STX2: variants seen among roughly 807,000 people sequenced by gnomAD.
The protein encoded by STX2 is syntaxin 2, also known as syntaxin-2.
STX2 carries 27 observed loss-of-function variants against 40.6 expected under a neutral mutation model. The observed-to-expected ratio is 0.66, with a 90% confidence interval of 0.49 to 0.92. The LOEUF is 0.92. Among genes scored for constraint, STX2 ranks in the 40% least tolerant of loss-of-function variants. The pLI is 0.00. For synonymous variants in STX2, 123 were observed against 119.1 expected, an observed-to-expected ratio of 1.03 and a Z score of -0.22; for missense variants, 328 against 366.1, an observed-to-expected ratio of 0.90 and a Z score of 0.85.
chr12:130,798,118 G>A (rs1370380484), intron 9 of STX2, among the ~76,000 whole-genome samples: 4 of 152,078 alleles, frequency 2.6e-5, no homozygotes, highest in African/African-American at 9.7e-5. Flanking sequence ...ATGGTGGCGG[G>A]TGCCTGTAAT....
chr12:130,818,771 C>G (rs1442797207), intron 3 of STX2, among the ~76,000 whole-genome samples: 1 of 152,216 alleles, frequency 6.6e-6, no homozygotes, highest in Non-Finnish European at 1.5e-5. Context: ...GCGTGCGCAG[C>G]CGCAAGGACG....
intron 3 of STX2, among the ~76,000 whole-genome samples, chr12:130,819,339 AG>A (rs1952024964): frequency 1.0e-5 from 1 of 98,190 alleles, no homozygotes; most frequent in African/African-American, 3.9e-5. Context: ...CTCTTCCTTT[AG>A]GAACAAGGCG....
intron 2 of STX2, among the ~76,000 whole-genome samples, chr12:130,822,038 C>A (rs1344728787): frequency 6.6e-6 from 1 of 152,182 alleles, no homozygotes; most frequent in Admixed American, 6.5e-5. Context: ...GTAAAAATTT[C>A]TAGTCAAGTC....
chr12:130,798,259 A>G (rs1017946150), intron 9 of STX2: 1 of 235,600 alleles, frequency 4.2e-6, no homozygotes, highest in African/African-American at 2.3e-5. Flanking sequence ...TCAAAAAAAA[A>G]AAAAAAAAAG....
At chr12:130,828,340 G>A (rs1438029584) in intron 1 of STX2, among the ~76,000 whole-genome samples, 10 of 149,158 alleles carry the variant, frequency 6.7e-5, no homozygotes, top group African/African-American at 2.2e-4. Flanking sequence ...TAATGCTTAT[G>A]CCCCAACCTC....
At chr12:130,823,229 T>C (rs1952181201) in intron 2 of STX2, among the ~76,000 whole-genome samples, 1 of 152,128 alleles carries the variant, frequency 6.6e-6, no homozygotes, top group African/African-American at 2.4e-5. Context: ...GGAAGATCAC[T>C]TGGGCCCAGG....
At chr12:130,805,920 G>T (rs1320684193) in intron 6 of STX2, among the ~76,000 whole-genome samples, 1 of 152,172 alleles carries the variant, frequency 6.6e-6, no homozygotes. Flanking sequence ...GGACACTGGA[G>T]TTGGCAGACA....
At chr12:130,829,177 G>C (rs994230665) in intron 1 of STX2, among the ~76,000 whole-genome samples, 2 of 152,134 alleles carry the variant, frequency 1.3e-5, no homozygotes, top group African/African-American at 4.8e-5. Flanking sequence ...AGAGCTAAGC[G>C]GTGCCGAACC....
intron 1 of STX2, among the ~76,000 whole-genome samples, chr12:130,836,602 A>C (rs1952763362): frequency 6.6e-6 from 1 of 152,188 alleles, no homozygotes; most frequent in Non-Finnish European, 1.5e-5. Flanking sequence ...ACTCCCTAAA[A>C]ACAAAAAATC....
intron 3 of STX2, among the ~76,000 whole-genome samples, chr12:130,813,493 C>T (rs1213150739): frequency 1.3e-5 from 2 of 152,210 alleles, no homozygotes; most frequent in East Asian, 1.9e-4. Context: ...CTCCCCAAAA[C>T]GCCCGAATAA....
At chr12:130,799,080 C>T (rs951398559) in intron 8 of STX2, among the ~76,000 whole-genome samples, 33 of 152,214 alleles carry the variant, frequency 2.2e-4, no homozygotes, top group African/African-American at 6.5e-4. Context: ...CTGAGCATAG[C>T]TCACATCTGA....
intron 3 of STX2, among the ~76,000 whole-genome samples, chr12:130,818,874 G>T (rs1040875282): frequency 1.3e-5 from 2 of 152,190 alleles, no homozygotes; most frequent in Non-Finnish European, 2.9e-5. Flanking sequence ...TCCCAGCCTC[G>T]TCGTCACTAA....
chr12:130,801,453 TCTCTTCTAG>T lies in STX2; in HGVS notation c.490_498del (p.Leu164_Glu166del). ...ATGGATGGCTTCCCGCTCTCCAGCATCTCTTCTAGCTCGTCGTCTGTGGTGGTTCTCCCA... is the reference window on the plus strand; with the variant it reads ...ATGGATGGCTTCCCGCTCTCCAGCATCTCGTCGTCTGTGGTGGTTCTCCCA... On this transcript the variant is annotated inframe_deletion, in exon 7 of 11. Transcript: ENST00000392373. 1 of 1,611,380 alleles carries T rather than the reference TCTCTTCTAG, an allele frequency of 6.2e-7. No homozygotes were observed. Among genetic ancestry groups the T allele is most frequent in the Non-Finnish European group, 8.5e-7 (1 of 1,178,538 alleles).
In STX2 at chr12:130,839,216, G is replaced by A. The variant is rs889686515; in HGVS notation, c.-117C>T. ...CCGCGGTCCCGGCCCGGCGCCAGCA[G>A]CCCTCCCTGGAGCCGGCGCTGCCAC... On this transcript the variant is annotated 5_prime_UTR_variant, in exon 1 of 11. Coordinates refer to ENST00000392373, the MANE Select transcript of STX2 (RefSeq NM_194356.4). The A allele has an allele frequency of 1.1e-6, 1 of 927,788 alleles. No individual in the cohort carries two copies. Among genetic ancestry groups the A allele is most frequent in the Non-Finnish European group, 1.3e-6 (1 of 759,512 alleles). The allele number at this position is 927,788 out of a possible 1,614,324, so 57.5% of individuals were successfully genotyped here.
chr12:130,798,286 G>A (rs1237439419), intron 9 of STX2: 4 of 303,286 alleles, frequency 1.3e-5, no homozygotes, highest in South Asian at 8.4e-5. Flanking sequence ...GATTACAGGC[G>A]TGCCACCACA....
At position 130,807,026 on chromosome 12, in the gene STX2, AACAGAGTCTGTGCCTC is replaced by A; in HGVS notation, c.403_418del (p.Glu135PhefsTer15). On this transcript the variant is annotated frameshift_variant, in exon 6 of 11. Transcript: ENST00000392373. LOFTEE classifies it high-confidence loss of function. ...GATGCGGCCTTTGCTCCGCTCCCGA[AACAGAGTCTGTGCCTC>A]ATTGTACTCCGCCATGGCTTCCACA... The A allele has an allele frequency of 6.2e-7, 1 of 1,614,232 alleles. No homozygotes were observed. Among genetic ancestry groups the A allele is most frequent in the Non-Finnish European group, 8.5e-7 (1 of 1,180,040 alleles).
chr12:130,802,829 CTG>C (rs1310435733), intron 6 of STX2, among the ~76,000 whole-genome samples: 7 of 152,200 alleles, frequency 4.6e-5, no homozygotes, highest in Admixed American at 6.5e-5. Flanking sequence ...CTTGGAAAAA[CTG>C]TGTTACAGGA....
chr12:130,835,437 G>A (rs1340627488), intron 1 of STX2, among the ~76,000 whole-genome samples: 2 of 151,198 alleles, frequency 1.3e-5, no homozygotes, highest in Non-Finnish European at 2.9e-5. Context: ...CAGATGAAAT[G>A]TGTGGTTTCT....
At chr12:130,817,544 A>T (rs1363587190) in intron 3 of STX2, among the ~76,000 whole-genome samples, 1 of 152,210 alleles carries the variant, frequency 6.6e-6, no homozygotes, top group African/African-American at 2.4e-5. Context: ...CTACTTGAAG[A>T]AGTAATGGCC....
Sources: gnomAD v4.1 joint callset for allele counts (sites outside exome capture counted in the v4.1 genomes callset) on GRCh38, gnomAD v4.1.1 for gene constraint, MANE v1.5 for transcripts, NCBI Gene and HGNC (gene_info 2026-07-23, HGNC 2026-07-21) for gene names.